Variants in CPZ observed in about 807,000 individuals in gnomAD.
CPZ encodes VEZT/CPZ fusion.
CPZ carries 103 observed loss-of-function variants against 61.8 expected under a neutral mutation model. That is an observed-to-expected ratio of 1.67 (90% CI 1.42 to 1.96). The LOEUF is 1.96. CPZ is among the 30% of genes most tolerant of loss of function. The probability of loss-of-function intolerance (pLI) is 0.00; values close to 1 mark genes in which losing one functional copy is unlikely to be tolerated. For synonymous variants in CPZ, 551 were observed against 373.7 expected, an observed-to-expected ratio of 1.47 and a Z score of -5.47; for missense variants, 1,461 against 914.9, an observed-to-expected ratio of 1.60 and a Z score of -7.70.
At chr4:8,597,036 C>A (rs9998778) in intron 1 of CPZ, among the ~76,000 whole-genome samples, 9,877 of 152,246 alleles carry the variant, frequency 0.065, 999 homozygotes, top group African/African-American at 0.21. Flanking sequence ...TGATGGGTAC[C>A]CAGGGAGTGG....
rs1373624740 is a variant in CPZ, at chr4:8,604,076, G to A, written c.597G>A (p.Arg199=). ...CCCAGATGGTGCGTGTGCTGAGGCG[G>A]ACGGCCTCCCGCTGCGCCCACGTGG... ...SYAQMVRVLR[R]TASRCAHVAR... The change falls in exon 4 of 11, where the codon CGG becomes CGA. Residue 199 remains arginine (R), a synonymous_variant. Transcript: ENST00000360986. 6.2e-7 allele frequency: 1 copy of A among 1,610,260 alleles called. No individual in the cohort carries two copies. The highest frequency in any genetic ancestry group is 1.1e-5 in the South Asian group (1 of 90,800).
At chr4:8,610,736 G>C (rs530281078) in intron 7 of CPZ, among the ~76,000 whole-genome samples, 1 of 152,312 alleles carries the variant, frequency 6.6e-6, no homozygotes, top group African/African-American at 2.4e-5. Flanking sequence ...CCCACCCACA[G>C]GTGCAGGGGC....
chr4:8,610,037 A>C (rs3796729), intron 7 of CPZ, among the ~76,000 whole-genome samples: 63,351 of 152,102 alleles, frequency 0.42, 14,158 homozygotes, highest in Admixed American at 0.56. Context: ...AATCCTGCTC[A>C]TGCTGTGTCC....
intron 2 of CPZ, 52 bp from the exon 3 acceptor site, chr4:8,601,071 G>GTC (rs1714536605): frequency 1.7e-5 from 25 of 1,514,774 alleles, no homozygotes; most frequent in Non-Finnish European, 2.0e-5. Context: ...TCTGATGCGT[G>GTC]ACGGTCAGGG....
At chr4:8,619,167 C>T in intron 10 of CPZ, 95 bp from the exon 11 acceptor site, 1 of 1,104,080 alleles carries the variant, frequency 9.1e-7, no homozygotes, top group Admixed American at 2.7e-5. Flanking sequence ...GCCTGCCTCC[C>T]ATGCTAACCT....
rs1400083826 is a variant in CPZ at position 8,604,098 on chromosome 4, G to A, written c.619G>A (p.Val207Met). The part of the protein sequence containing the change: ...LRRTASRCAH[V>M]ARTYSIGRSF... Reference sequence around the variant, plus strand: ...GCGGACGGCCTCCCGCTGCGCCCACGTGGCCAGGACCTACAGCATCGGGCG... The same window carrying A: ...GCGGACGGCCTCCCGCTGCGCCCACATGGCCAGGACCTACAGCATCGGGCG... Residue 207 changes from valine (V) to methionine (M), a missense_variant, in exon 4 of 11, where the codon GTG (valine) becomes ATG (methionine). Val to Met is a conservative substitution (Grantham distance 21). Transcript: ENST00000360986. 9 of 1,607,622 alleles carry A rather than the reference G, an allele frequency of 5.6e-6. No individual in the cohort carries two copies. The highest frequency in any genetic ancestry group is 1.7e-4 in the Middle Eastern group (1 of 6,058).
chr4:8,618,364 T>C, intron 9 of CPZ, 65 bp from the exon 10 acceptor site: 1 of 1,508,242 alleles, frequency 6.6e-7, no homozygotes, highest in Non-Finnish European at 9.2e-7. Flanking sequence ...GGGAACGAGC[T>C]GACGGCCTCC....
At position 8,603,999 on chromosome 4, in the gene CPZ, C is replaced by A. The variant is rs201436389; in HGVS notation, c.520C>A (p.Leu174Met). Reference protein sequence around the residue: ...LRGGLEADEALPSGLPPTFIR... With the variant: ...LRGGLEADEAMPSGLPPTFIR... ...AGGAGGCCTGGAGGCTGACGAGGCA[C>A]TGCCCTCAGGGCTGCCGCCCACCTT... The change falls in exon 4 of 11, where the codon CTG becomes ATG. Residue 174 changes from leucine (L) to methionine (M), a missense_variant. Transcript: ENST00000360986. The A allele has an allele frequency of 6.2e-7, 1 of 1,612,182 alleles. No individual in the cohort carries two copies. Among genetic ancestry groups the A allele is most frequent in the South Asian group, 1.1e-5 (1 of 91,074 alleles).
chr4:8,610,112 A>G (rs1715526439), intron 7 of CPZ, among the ~76,000 whole-genome samples: 1 of 152,168 alleles, frequency 6.6e-6, no homozygotes, highest in Non-Finnish European at 1.5e-5. Context: ...CCAGTTTCCC[A>G]AGGGCTTCCT....
At chr4:8,616,488 G>A (rs1175181535) in intron 9 of CPZ, among the ~76,000 whole-genome samples, 1 of 152,218 alleles carries the variant, frequency 6.6e-6, no homozygotes, top group African/African-American at 2.4e-5. Flanking sequence ...TGAGACCAGG[G>A]CTGGCAGAGA....
At chr4:8,609,873 G>C (rs3796733) in intron 7 of CPZ, among the ~76,000 whole-genome samples, 6 of 152,014 alleles carry the variant, frequency 3.9e-5, no homozygotes, top group Non-Finnish European at 8.8e-5. Context: ...TGGCAGGGGA[G>C]CATGAGAGGG....
intron 2 of CPZ, 72 bp from the exon 3 acceptor site, chr4:8,601,051 T>A: frequency 6.7e-7 from 1 of 1,496,116 alleles, no homozygotes; most frequent in Non-Finnish European, 8.9e-7. Flanking sequence ...TGGGGTCCCC[T>A]ACGTAAATGT....
At chr4:8,607,186 G>A in intron 6 of CPZ, 81 bp from the exon 7 acceptor site, 5 of 1,491,946 alleles carry the variant, frequency 3.4e-6, no homozygotes, top group Non-Finnish European at 3.6e-6. Context: ...TTGGAGCCCA[G>A]AGGGCTGCTG....
chr4:8,604,268 G>C lies in CPZ; in HGVS notation c.709+80G>C, dbSNP rs531486247. 7.5e-4 allele frequency: 1,034 copies of C among 1,372,708 alleles called. 24 individuals carry two copies. In the South Asian group the frequency reaches 0.014, roughly 19 times the overall value. The allele number at this position is 1,372,708 out of a possible 1,614,324, so 85.0% of individuals were successfully genotyped here. ...CGCTCCACCTTCGGGTGCACAAGTT[G>C]GTGGGGTGTTTGGGGTCCTGGGCAG... On this transcript the variant is annotated intron_variant, in intron 4 of 10. Transcript: ENST00000360986.
At chr4:8,598,568 G>A (rs1360742995) in intron 1 of CPZ, among the ~76,000 whole-genome samples, 1 of 152,222 alleles carries the variant, frequency 6.6e-6, no homozygotes, top group Non-Finnish European at 1.5e-5. Context: ...CCTTCTCCGG[G>A]TTCCTGCTGC....
chr4:8,600,223 C>T (rs1714469922), intron 2 of CPZ, among the ~76,000 whole-genome samples: 1 of 152,170 alleles, frequency 6.6e-6, no homozygotes, highest in African/African-American at 2.4e-5. Context: ...GTGATCCTCG[C>T]ATCTCAGCCT....
chr4:8,604,063 G>C lies in CPZ; in HGVS notation c.584G>C (p.Arg195Pro), dbSNP rs148218370. 26 of 1,611,404 alleles carry C rather than the reference G, an allele frequency of 1.6e-5. No individual in the cohort carries two copies. In the Admixed American group the frequency reaches 1.8e-4, roughly 11 times the overall value. ...CACCACTCCTACGCCCAGATGGTGC[G>C]TGTGCTGAGGCGGACGGCCTCCCGC... is the stretch of plus-strand genomic sequence containing the variant. ...FSHHSYAQMV[R>P]VLRRTASRCA... Residue 195 changes from arginine to proline, a missense_variant, in exon 4 of 11, where the codon CGT becomes CCT. Physicochemically the swap from Arg to Pro is moderately radical, Grantham distance 103 (BLOSUM62 -2). Transcript: ENST00000360986.
At position 8,614,442 on chromosome 4, in the gene CPZ, G is replaced by A. The variant is rs561450664; in HGVS notation, c.1447G>A (p.Ala483Thr). The A allele has an allele frequency of 3.7e-6, 6 of 1,614,002 alleles. No homozygotes were observed. In the African/African-American group the frequency reaches 5.3e-5, roughly 14 times the overall value. Reference sequence around the variant, plus strand: ...CTGTGTGAAGTTCCCCCCCGAGGAGGCCCTGTACATACTCTGGCAGCACAA... The same window carrying A: ...CTGTGTGAAGTTCCCCCCCGAGGAGACCCTGTACATACTCTGGCAGCACAA... ...LGCVKFPPEEALYILWQHNKE... is the reference protein window; with the variant it reads ...LGCVKFPPEETLYILWQHNKE... Residue 483 changes from alanine to threonine, a missense_variant, in exon 9 of 11, where the codon GCC becomes ACC. Ala to Thr is a moderately conservative substitution (Grantham distance 58, BLOSUM62 0). Transcript: ENST00000360986.
chr4:8,599,572 T>C (rs1440062895), intron 2 of CPZ, 87 bp downstream of exon 2: 2 of 1,576,996 alleles, frequency 1.3e-6, no homozygotes, highest in Non-Finnish European at 1.7e-6. Flanking sequence ...GCTGAATCCG[T>C]GATTTCAGAA....
Sources: gnomAD v4.1 joint callset for allele counts (sites outside exome capture counted in the v4.1 genomes callset) on GRCh38, gnomAD v4.1.1 for gene constraint, MANE v1.5 for transcripts, NCBI Gene and HGNC (gene_info 2026-07-23, HGNC 2026-07-21) for gene names.